KIF16B: variants seen among roughly 807,000 people sequenced by gnomAD.
KIF16B encodes kinesin family member 16B, also known as kinesin-like protein KIF16B.
A neutral mutation model predicts 156.3 loss-of-function variants in KIF16B; 98 were observed. The ratio of observed to expected loss-of-function variants is 0.63; its 90% CI spans 0.53 to 0.74. KIF16B has a LOEUF of 0.74. Among genes scored for constraint, KIF16B ranks in the 30% least tolerant of loss-of-function variants. The probability of loss-of-function intolerance (pLI) is 0.00; values close to 1 mark genes in which losing one functional copy is unlikely to be tolerated. For synonymous variants in KIF16B, 564 were observed against 583.7 expected (o/e 0.97, Z 0.49); for missense variants, 1,421 against 1,606.5 (o/e 0.88, Z 1.97).
intron 12 of KIF16B, among the ~76,000 whole-genome samples, chr20:16,468,560 A>T (rs1415257759): frequency 2.2e-5 from 3 of 136,038 alleles, no homozygotes; most frequent in African/African-American, 8.7e-5. Flanking sequence ...TGGGTGACAG[A>T]GCAAGACTCC....
intron 25 of KIF16B, among the ~76,000 whole-genome samples, chr20:16,306,916 G>A (rs2063549583): frequency 6.6e-6 from 1 of 152,176 alleles, no homozygotes; most frequent in East Asian, 1.9e-4. Flanking sequence ...TCATTGTTCA[G>A]AGAAGGAAAC....
intron 9 of KIF16B, 109 bp from the exon 10 acceptor site, chr20:16,504,656 C>G: frequency 3.7e-6 from 3 of 805,516 alleles, no homozygotes; most frequent in African/African-American, 1.7e-5. Context: ...ATTGGAGAGA[C>G]TAAATATTCA....
chr20:16,435,223 C>T lies in KIF16B; in HGVS notation c.1303-5241G>A, dbSNP rs1041595113. ...TAAGCACCATTACCTGAATCTGTAC[C>T]GGTTTGAGAACGTTGCTTCTTGCCT... On this transcript the variant is annotated intron_variant, in intron 12 of 25. Coordinates refer to ENST00000354981, the MANE Select transcript of KIF16B (RefSeq NM_024704.5). Among the ~76,000 whole-genome samples the T allele has an allele frequency of 6.6e-5, 10 of 152,198 alleles. No individual in the cohort carries two copies. The South Asian group carries it at 1.7e-3, about 25-fold the overall frequency.
At chr20:16,368,678 C>T (rs1319863653) in intron 22 of KIF16B, 2 of 985,868 alleles carry the variant, frequency 2.0e-6, no homozygotes, top group African/African-American at 3.5e-5. Context: ...AACTCTTCCT[C>T]ACCTTGCTGC....
intron 23 of KIF16B, among the ~76,000 whole-genome samples, chr20:16,338,971 A>C (rs1179170747): frequency 6.6e-6 from 1 of 152,222 alleles, no homozygotes; most frequent in Non-Finnish European, 1.5e-5. Context: ...AAAATTTTTC[A>C]GGAATTTTGT....
intron 12 of KIF16B, among the ~76,000 whole-genome samples, chr20:16,477,021 A>G (rs1318449635): frequency 6.6e-6 from 1 of 152,164 alleles, no homozygotes; most frequent in Admixed American, 6.5e-5. Flanking sequence ...TGCTGGGATT[A>G]CAGGCGTGAG....
At chr20:16,370,787 C>G in intron 21 of KIF16B, 151 bp from the exon 22 acceptor site, 1 of 601,840 alleles carries the variant, frequency 1.7e-6, no homozygotes, top group South Asian at 2.3e-5. Context: ...ATTTACATCC[C>G]CAAGATAAAC....
intron 25 of KIF16B, among the ~76,000 whole-genome samples, chr20:16,303,489 G>A (rs1042893643): frequency 2.0e-5 from 3 of 152,168 alleles, no homozygotes; most frequent in Admixed American, 2.0e-4. Context: ...CTTGCCCAGT[G>A]GCATTTTGCA....
chr20:16,505,876 G>A (rs778441721), intron 8 of KIF16B, 23 bp from the exon 9 acceptor site: 1 of 1,611,148 alleles, frequency 6.2e-7, no homozygotes, highest in Middle Eastern at 1.7e-4. Flanking sequence ...AGAAACAAAG[G>A]GGAGAAAGGA....
At chr20:16,435,809 A>G (rs776621142) in intron 12 of KIF16B, among the ~76,000 whole-genome samples, 14 of 151,958 alleles carry the variant, frequency 9.2e-5, no homozygotes, top group Non-Finnish European at 2.1e-4. Context: ...TTTCCTTGAT[A>G]TTTTCTAAAA....
At chr20:16,327,028 T>G in intron 24 of KIF16B, among the ~76,000 whole-genome samples, 1 of 139,308 alleles carries the variant, frequency 7.2e-6, no homozygotes, top group Admixed American at 7.4e-5. Context: ...TGTGTATATA[T>G]ATACACACAC....
At chr20:16,290,794 A>G (rs1331062769) in intron 25 of KIF16B, among the ~76,000 whole-genome samples, 1 of 152,184 alleles carries the variant, frequency 6.6e-6, no homozygotes, top group Non-Finnish European at 1.5e-5. Context: ...ACTGGAGACA[A>G]TGACTGAGGC....
chr20:16,373,831 A>C (rs1240073245), intron 20 of KIF16B, among the ~76,000 whole-genome samples: 1 of 152,182 alleles, frequency 6.6e-6, no homozygotes, highest in African/African-American at 2.4e-5. Flanking sequence ...TTTTCCAATA[A>C]ATACAGCTGG....
At chr20:16,474,474 A>C (rs2067753175) in intron 12 of KIF16B, among the ~76,000 whole-genome samples, 1 of 152,198 alleles carries the variant, frequency 6.6e-6, no homozygotes, top group African/African-American at 2.4e-5. Context: ...TATGAACAGA[A>C]AGTTAGTTTT....
intron 12 of KIF16B, among the ~76,000 whole-genome samples, chr20:16,468,264 T>C (rs1475805218): frequency 1.3e-5 from 2 of 152,078 alleles, no homozygotes; most frequent in Non-Finnish European, 2.9e-5. Flanking sequence ...CTTAGAAAGT[T>C]GTCACAGATA....
intron 22 of KIF16B, among the ~76,000 whole-genome samples, chr20:16,370,230 C>G (rs2123296944): frequency 6.6e-6 from 1 of 152,266 alleles, no homozygotes; most frequent in East Asian, 1.9e-4. Flanking sequence ...ACTACCAACT[C>G]ACAGTCTATA....
chr20:16,421,007 G>T (rs968665082), intron 15 of KIF16B, among the ~76,000 whole-genome samples: 31 of 152,230 alleles, frequency 2.0e-4, no homozygotes, highest in African/African-American at 7.5e-4. Context: ...GATAATGAAT[G>T]GTCTGCTGTA....
Position 16,404,704 on chromosome 20 carries a change from A to T in KIF16B, c.1784+109T>A, listed in dbSNP as rs995814120. On this transcript the variant is annotated intron_variant, in intron 17 of 25. Coordinates refer to ENST00000354981, the MANE Select transcript of KIF16B (RefSeq NM_024704.5). ...GAAAATGACGGTGGCTGATTTGATA[A>T]GGAGGCGCCGTTGCAGAAGTTTTAT... 5.3e-6 allele frequency: 4 copies of T among 753,652 alleles called. No homozygotes were observed. In the African/African-American group the frequency reaches 7.0e-5, roughly 13 times the overall value. 46.7% of individuals were successfully genotyped at this position (753,652 alleles called of 1,614,324 possible).
At chr20:16,341,773 G>T (rs939311467) in intron 23 of KIF16B, among the ~76,000 whole-genome samples, 1 of 152,170 alleles carries the variant, frequency 6.6e-6, no homozygotes, top group African/African-American at 2.4e-5. Context: ...CTGTGATGCA[G>T]GTTAAGGTCC....
Sources: gnomAD v4.1 joint callset for allele counts (sites outside exome capture counted in the v4.1 genomes callset) on GRCh38, gnomAD v4.1.1 for gene constraint, MANE v1.5 for transcripts, NCBI Gene and HGNC (gene_info 2026-07-23, HGNC 2026-07-21) for gene names.